PPP1R3F: variants seen among roughly 807,000 people sequenced by gnomAD.
PPP1R3F encodes protein phosphatase 1 regulatory subunit 3F, also known as protein phosphatase 1, regulatory (inhibitor) subunit 3F.
Under a neutral mutation model 24.2 loss-of-function variants are expected in PPP1R3F, and 29 were observed. That is an observed-to-expected ratio of 1.20 (90% CI 0.89 to 1.63). The LOEUF (loss-of-function observed/expected upper bound fraction) is 1.63, where lower values mean the gene tolerates loss of function less well. PPP1R3F is among the 40% of genes most tolerant of loss of function. The probability of loss-of-function intolerance (pLI) is 0.00; values close to 1 mark genes in which losing one functional copy is unlikely to be tolerated. For synonymous variants in PPP1R3F, 363 were observed against 340.1 expected (o/e 1.07, Z -0.74); for missense variants, 823 against 729.3 (o/e 1.13, Z -1.48).
intron 3 of PPP1R3F, among the ~76,000 whole-genome samples, chrX:49,282,443 C>CTGTGTGTGTGTGTGTGTGTGTGTG (rs545507997): frequency 1.4e-5 from 1 of 73,950 alleles, no homozygotes; most frequent in African/African-American, 5.4e-5. Context: ...GTGAGAGACT[C>CTGTGTGTGTGTGTGTGTGTGTGTG]TGTGTGTGTG....
In PPP1R3F at chrX:49,269,839, C is replaced by T. The variant is rs2066158785; in HGVS notation, c.-31C>T. ...GCCCTGCCCCCGCCGGTCCCGCCGC[C>T]GGTGCCGTCGGTGCCGCCGCCGCCG... On this transcript the variant is annotated 5_prime_UTR_variant, in exon 1 of 4. Transcript: ENST00000055335. The T allele has an allele frequency of 2.3e-6, 2 of 868,610 alleles. No individual in the cohort carries two copies. The highest frequency in any genetic ancestry group is 4.3e-5 in the African/African-American group (2 of 46,650). 71.6% of individuals were successfully genotyped at this position (868,610 alleles called of 1,213,427 possible). A position where few individuals can be genotyped will look rare whatever the true frequency, so the allele number is the denominator to read the frequency against.
chrX:49,297,682 A>G (rs1266906852), intron 3 of PPP1R3F, among the ~76,000 whole-genome samples: 1 of 110,896 alleles, frequency 9.0e-6, no homozygotes, highest in Admixed American at 9.6e-5. Context: ...GTGCTCCTGT[A>G]TTGGGTGCAT....
chrX:49,279,257 C>A (rs1427042102), intron 1 of PPP1R3F, among the ~76,000 whole-genome samples: 6 of 111,563 alleles, frequency 5.4e-5, no homozygotes, highest in Non-Finnish European at 9.4e-5. Flanking sequence ...AAAACAAAAA[C>A]CAAAAAACCC....
intron 3 of PPP1R3F, among the ~76,000 whole-genome samples, chrX:49,296,107 T>C (rs5906767): frequency 0.44 from 48,669 of 110,803 alleles, 9,050 homozygotes; most frequent in Non-Finnish European, 0.59. Flanking sequence ...AGCTTCTCTT[T>C]GTAACTCTGG....
chrX:49,279,795 T>A (rs1232265484), intron 1 of PPP1R3F, among the ~76,000 whole-genome samples: 2 of 112,667 alleles, frequency 1.8e-5, no homozygotes, highest in Non-Finnish European at 3.7e-5. Flanking sequence ...TAGTCAATGC[T>A]TCCCTCATTT....
intron 3 of PPP1R3F, among the ~76,000 whole-genome samples, chrX:49,284,510 T>TC: frequency 3.8e-5 from 1 of 26,598 alleles, no homozygotes; most frequent in Admixed American, 3.3e-4. Flanking sequence ...TTTTTCTTTC[T>TC]TTTTTTTTTT....
intron 3 of PPP1R3F, among the ~76,000 whole-genome samples, chrX:49,299,930 A>G (rs2066332729): frequency 8.9e-6 from 1 of 112,062 alleles, no homozygotes; most frequent in Admixed American, 9.4e-5. Flanking sequence ...AAGTCAGTGG[A>G]TCTTAGTTTG....
rs1241627539 is a variant in PPP1R3F at position 49,270,532 on chromosome X, G to A, written c.663G>A (p.Gly221=). 6 of 1,203,968 alleles carry A rather than the reference G, an allele frequency of 5.0e-6. No individual in the cohort carries two copies. The highest frequency in any genetic ancestry group is 3.5e-5 in the African/African-American group (2 of 57,611). ...TGAGDPILDP[G]LGLGPGQASA... ...CAGGAGATCCCATCCTGGATCCGGG[G>A]CTCGGCCTGGGTCCCGGCCAGGCAT... The change falls in exon 1 of 4, where the codon GGG becomes GGA. Residue 221 remains glycine (G), a synonymous_variant. Coordinates refer to ENST00000055335, the MANE Select transcript of PPP1R3F (RefSeq NM_033215.5).
rs1335484306 is a variant in PPP1R3F, at chrX:49,277,871, G to T, written c.1005-3535G>T. Among the ~76,000 whole-genome samples the T allele has an allele frequency of 6.2e-5, 7 of 112,248 alleles. No individual in the cohort carries two copies. The East Asian group carries it at 2.0e-3, about 31-fold the overall frequency. The stretch of plus-strand genomic sequence containing the variant: ...GTTGTTTTGAAGGATAGATGTGAAG[G>T]TTTTCAAATGCCTTGGTGTGTCAAT... On this transcript the variant is annotated intron_variant, in intron 1 of 3. Coordinates refer to ENST00000055335, the MANE Select transcript of PPP1R3F (RefSeq NM_033215.5).
intron 3 of PPP1R3F, among the ~76,000 whole-genome samples, chrX:49,293,242 A>G: frequency 8.9e-6 from 1 of 112,492 alleles, no homozygotes; most frequent in Non-Finnish European, 1.9e-5. Context: ...AACAGCCACC[A>G]GGTTAACACT....
rs1451247246 is a variant in PPP1R3F at position 49,270,143 on chromosome X, G to A, written c.274G>A (p.Glu92Lys). 1 of 1,074,513 alleles carries A rather than the reference G, an allele frequency of 9.3e-7. No homozygotes were observed. Among genetic ancestry groups the A allele is most frequent in the East Asian group, 3.8e-5 (1 of 26,209 alleles). The allele number at this position is 1,074,513 out of a possible 1,213,427, so 88.6% of individuals were successfully genotyped here. A position where few individuals can be genotyped will look rare whatever the true frequency, so the allele number is the denominator to read the frequency against. ...CGATGGCGAGGATGGGGATGAAGGG[G>A]AGGAGGAAGAGGAGGCTTGCCCCGA... ...DDDGEDGDEG[E>K]EEEEACPEPS... is the part of the protein sequence containing the mutation. Residue 92 changes from glutamate (E) to lysine (K), a missense_variant, in exon 1 of 4, where the codon GAG becomes AAG. Transcript: ENST00000055335.
chrX:49,271,448 G>C (rs1249760442), intron 1 of PPP1R3F, among the ~76,000 whole-genome samples: 1 of 112,834 alleles, frequency 8.9e-6, no homozygotes, highest in Non-Finnish European at 1.9e-5. Flanking sequence ...GTTCTAGGTA[G>C]AGGAAACAGC....
intron 3 of PPP1R3F, among the ~76,000 whole-genome samples, chrX:49,295,901 A>C (rs1364722835): frequency 1.8e-5 from 2 of 110,431 alleles, no homozygotes; most frequent in African/African-American, 6.6e-5. Flanking sequence ...AGCAACCCTC[A>C]CCAGCGTGGT....
chrX:49,285,717 C>T (rs2066277169), intron 3 of PPP1R3F, 117 bp from the exon 4 acceptor site: 3 of 774,429 alleles, frequency 3.9e-6, no homozygotes, highest in Admixed American at 9.0e-5. Context: ...TATATAGAAA[C>T]CCCTGTGGGG....
At chrX:49,291,238 C>T (rs1369470423), downstream of PPP1R3F, among the ~76,000 whole-genome samples, 4 of 109,585 alleles carry the variant, frequency 3.7e-5, no homozygotes, top group African/African-American at 1.0e-4. Context: ...CCACCTGCCT[C>T]AGCCTCCCAA....
At chrX:49,294,908 CA>C (rs58639270) in intron 3 of PPP1R3F, among the ~76,000 whole-genome samples, 5,443 of 44,944 alleles carry the variant, frequency 0.12, 535 homozygotes, top group African/African-American at 0.36. Flanking sequence ...GAATATGTCT[CA>C]AAAAAAAAAA....
At chrX:49,289,867 G>A (rs936322810), downstream of PPP1R3F, among the ~76,000 whole-genome samples, 2 of 111,353 alleles carry the variant, frequency 1.8e-5, no homozygotes, top group Non-Finnish European at 3.8e-5. Context: ...TCAGGAGTTC[G>A]AGACCAGCCT....
At chrX:49,290,168 A>G (rs2066304580), downstream of PPP1R3F, among the ~76,000 whole-genome samples, 1 of 111,926 alleles carries the variant, frequency 8.9e-6, no homozygotes, top group Non-Finnish European at 1.9e-5. Flanking sequence ...TGGGAGTAGC[A>G]TGAGTGTCCG....
At chrX:49,296,862 G>A (rs1175389193) in intron 3 of PPP1R3F, among the ~76,000 whole-genome samples, 1 of 112,082 alleles carries the variant, frequency 8.9e-6, no homozygotes, top group Non-Finnish European at 1.9e-5. Flanking sequence ...TAATTTGATT[G>A]CACTGTTGTC....
Sources: allele counts gnomAD v4.1 joint callset (sites outside exome capture counted in the v4.1 genomes callset), GRCh38; gene constraint gnomAD v4.1.1; transcripts MANE v1.5; gene names NCBI Gene and HGNC (gene_info 2026-07-23, HGNC 2026-07-21).